RRAGB: variants seen among roughly 807,000 people sequenced by gnomAD.
RRAGB encodes Ras related GTP binding B.
A neutral mutation model predicts 29.3 loss-of-function variants in RRAGB; 6 were observed. The observed-to-expected ratio is 0.21, with a 90% CI of 0.11 to 0.40. RRAGB has a LOEUF of 0.40. Ranked by LOEUF, RRAGB falls within the 10% of genes least tolerant of loss-of-function variation. The pLI is 1.00. For synonymous variants in RRAGB, 101 were observed against 92.5 expected, an observed-to-expected ratio of 1.09 and a Z score of -0.53; for missense variants, 184 against 272.9, an observed-to-expected ratio of 0.67 and a Z score of 2.29.
At chrX:55,720,802 C>G (rs769915350) in intron 2 of RRAGB, among the ~76,000 whole-genome samples, 2 of 110,733 alleles carry the variant, frequency 1.8e-5, no homozygotes, top group East Asian at 2.8e-4. Flanking sequence ...CACTTGAACC[C>G]GGGAGGCGGA....
At chrX:55,740,746 C>T (rs986587747) in intron 5 of RRAGB, among the ~76,000 whole-genome samples, 9 of 111,504 alleles carry the variant, frequency 8.1e-5, no homozygotes, top group Non-Finnish European at 1.7e-4. Context: ...GTTTTTGGTG[C>T]GTCTCGTTGA....
At chrX:55,754,512 C>G (rs1019768218) in intron 7 of RRAGB, among the ~76,000 whole-genome samples, 1 of 112,419 alleles carries the variant, frequency 8.9e-6, no homozygotes, top group Non-Finnish European at 1.9e-5. Context: ...CTGAGCCCTG[C>G]CAATGCTTGG....
At chrX:55,730,848 T>C (rs1265879747) in intron 4 of RRAGB, among the ~76,000 whole-genome samples, 1 of 110,769 alleles carries the variant, frequency 9.0e-6, no homozygotes, top group Non-Finnish European at 1.9e-5. Context: ...GAGGAATGTA[T>C]TGATATAAGA....
chrX:55,757,713 A>C (rs1160918088), intron 9 of RRAGB, among the ~76,000 whole-genome samples: 1 of 112,192 alleles, frequency 8.9e-6, no homozygotes, highest in East Asian at 2.8e-4. Flanking sequence ...TTTATGCTGC[A>C]TCTGGTATAG....
chrX:55,731,285 T>G, intron 4 of RRAGB, 79 bp from the exon 5 acceptor site: 1 of 738,803 alleles, frequency 1.4e-6, no homozygotes, highest in Non-Finnish European at 2.0e-6. Flanking sequence ...TTCACATTGA[T>G]CAAGCCAACA....
intron 5 of RRAGB, among the ~76,000 whole-genome samples, chrX:55,750,181 CGTATGTGTGT>C (rs2034479650): frequency 2.0e-5 from 1 of 50,605 alleles, no homozygotes; most frequent in African/African-American, 5.3e-5. Flanking sequence ...TACATACATA[CGTATGTGTGT>C]GTGTGTGTGT....
chrX:55,750,184 ATGTG>A (rs141091954), intron 5 of RRAGB, among the ~76,000 whole-genome samples: 49,141 of 93,571 alleles, frequency 0.53, 11,326 homozygotes, highest in East Asian at 0.69. Context: ...ATACATACGT[ATGTG>A]TGTGTGTGTG....
chrX:55,719,898 TTTC>T (rs1200862211), intron 2 of RRAGB, among the ~76,000 whole-genome samples: 1 of 112,355 alleles, frequency 8.9e-6, no homozygotes, highest in Non-Finnish European at 1.9e-5. Flanking sequence ...CTCAAGCTAA[TTTC>T]TTAACCTTTT....
Position 55,751,097 on chromosome X carries a change from T to C in RRAGB, c.517-4T>C, listed in dbSNP as rs751100613. The C allele has an allele frequency of 3.5e-6, 4 of 1,147,377 alleles. No homozygotes were observed. The highest frequency in any genetic ancestry group is 3.6e-6 in the Non-Finnish European group (3 of 839,607). 94.6% of individuals were successfully genotyped at this position (1,147,377 alleles called of 1,213,427 possible). ...TGATCAGTATGTTGGGCTTTTTAAT[T>C]TAGATTTTTAAAGAGCGAGAAGAAG... is the stretch of plus-strand genomic sequence containing the variant. On this transcript the variant is annotated splice_polypyrimidine_tract_variant and splice_region_variant and intron_variant, in intron 5 of 9. Transcript: ENST00000374941.
chrX:55,725,492 A>G (rs1182981095), intron 3 of RRAGB, among the ~76,000 whole-genome samples: 1 of 111,455 alleles, frequency 9.0e-6, no homozygotes, highest in Admixed American at 9.5e-5. Context: ...GTAGTTGCTG[A>G]TTTTCTTTAA....
chrX:55,743,265 T>C (rs138052043), intron 5 of RRAGB, among the ~76,000 whole-genome samples: 1,186 of 112,478 alleles, frequency 0.011, 7 homozygotes, highest in Non-Finnish European at 0.018. Flanking sequence ...AAGAAATGGA[T>C]GCAGGGAAGG....
chrX:55,742,127 T>C (rs1261603810), intron 5 of RRAGB, among the ~76,000 whole-genome samples: 1 of 112,724 alleles, frequency 8.9e-6, no homozygotes, highest in African/African-American at 3.2e-5. Context: ...TATCATATGA[T>C]ATGTTCATGA....
chrX:55,741,025 ATTTTT>A (rs143015105), intron 5 of RRAGB, among the ~76,000 whole-genome samples: 4 of 80,877 alleles, frequency 4.9e-5, no homozygotes, highest in African/African-American at 4.1e-5. Context: ...CTTCAAAATG[ATTTTT>A]TTTTTTTTTT....
At chrX:55,744,756 A>G (rs1376025839) in intron 5 of RRAGB, among the ~76,000 whole-genome samples, 2 of 112,393 alleles carry the variant, frequency 1.8e-5, no homozygotes, top group East Asian at 2.8e-4. Flanking sequence ...GTGACTCCAA[A>G]TGGCATCCCT....
Position 55,758,492 on chromosome X carries a change from A to G in RRAGB, c.*149A>G, listed in dbSNP as rs757265983. ...TTAATGTTTAACCTTGAATGCTATTAACTTAAATAGCCATTGAGGAGTTAG... is the reference window on the plus strand; with the variant it reads ...TTAATGTTTAACCTTGAATGCTATTGACTTAAATAGCCATTGAGGAGTTAG... On this transcript the variant is annotated 3_prime_UTR_variant, in exon 10 of 10. Coordinates refer to ENST00000374941, the MANE Select transcript of RRAGB (RefSeq NM_006064.5). 6.7e-5 allele frequency: 25 copies of G among 370,971 alleles called. No homozygotes were observed. The highest frequency in any genetic ancestry group is 4.8e-4 in the Admixed American group (10 of 20,832). 30.6% of individuals were successfully genotyped at this position (370,971 alleles called of 1,213,427 possible). A position where few individuals can be genotyped will look rare whatever the true frequency, so the allele number is the denominator to read the frequency against.
At chrX:55,725,869 A>G (rs1013156967) in intron 3 of RRAGB, among the ~76,000 whole-genome samples, 1 of 111,145 alleles carries the variant, frequency 9.0e-6, no homozygotes. Flanking sequence ...TTAAAAAAAA[A>G]TCTTTATCAT....
intron 5 of RRAGB, among the ~76,000 whole-genome samples, chrX:55,741,285 C>T (rs765881391): frequency 1.9e-4 from 21 of 111,460 alleles, no homozygotes; most frequent in Non-Finnish European, 3.4e-4. Flanking sequence ...CTGCACCATA[C>T]GTTCGTTAGC....
At chrX:55,721,878 C>T (rs191059950) in intron 2 of RRAGB, among the ~76,000 whole-genome samples, 13 of 112,423 alleles carry the variant, frequency 1.2e-4, no homozygotes, top group Admixed American at 1.0e-3. Flanking sequence ...TTCCTCTAAA[C>T]TTGGTATTTT....
At chrX:55,750,174 A>G (rs1344416486) in intron 5 of RRAGB, among the ~76,000 whole-genome samples, 1 of 73,062 alleles carries the variant, frequency 1.4e-5, no homozygotes, top group East Asian at 4.8e-4. Context: ...ATATACATAC[A>G]TACATACGTA....
Sources: allele counts gnomAD v4.1 joint callset (sites outside exome capture counted in the v4.1 genomes callset), GRCh38; gene constraint gnomAD v4.1.1; transcripts MANE v1.5; gene names NCBI Gene and HGNC (gene_info 2026-07-23, HGNC 2026-07-21).